FUT9: variants seen among roughly 807,000 people sequenced by gnomAD.
FUT9 encodes the protein 4-galactosyl-N-acetylglucosaminide 3-alpha-L-fucosyltransferase 9.
In FUT9, 15 loss-of-function variants were observed where a neutral mutation model predicts 29.7. That is an observed-to-expected ratio of 0.51 (90% CI 0.34 to 0.78). The LOEUF (loss-of-function observed/expected upper bound fraction) is 0.78. Among genes scored for constraint, FUT9 ranks in the 30% least tolerant of loss-of-function variants. The probability of loss-of-function intolerance (pLI) is 0.01; values close to 1 mark genes in which losing one functional copy is unlikely to be tolerated. For missense variants in FUT9, 319 were observed against 425.4 expected, an observed-to-expected ratio of 0.75 and a Z score of 2.20; for synonymous variants, 169 against 153.7, an observed-to-expected ratio of 1.10 and a Z score of -0.74.
intron 1 of FUT9, chr6:96,036,506 A>G (rs1770367363): frequency 6.6e-6 from 1 of 151,856 alleles, no homozygotes; most frequent in Admixed American, 6.6e-5. Context: ...ACTTGGTTAA[A>G]CTAACTTTTT....
intron 1 of FUT9, among the ~76,000 whole-genome samples, chr6:96,031,995 A>G (rs1770270351): frequency 2.0e-5 from 3 of 151,564 alleles, no homozygotes; most frequent in African/African-American, 7.3e-5. Flanking sequence ...TCCTTTAAAT[A>G]TTCTAAACTT....
intron 1 of FUT9, among the ~76,000 whole-genome samples, chr6:96,088,276 A>C (rs1367125435): frequency 6.6e-6 from 1 of 151,972 alleles, no homozygotes; most frequent in Non-Finnish European, 1.5e-5. Flanking sequence ...TAAAAAAATA[A>C]AATGTTCTTA....
chr6:96,209,215 T>A lies in FUT9; in HGVS notation c.*4980T>A, dbSNP rs946790148. 1.2e-5 allele frequency: 2 copies of A among 166,910 alleles called. No homozygotes were observed. Among genetic ancestry groups the A allele is most frequent in the African/African-American group, 2.4e-5 (1 of 41,444 alleles). The allele number at this position is 166,910 out of a possible 1,614,324, so 10.3% of individuals were successfully genotyped here. A position where few individuals can be genotyped will look rare whatever the true frequency, so the allele number is the denominator to read the frequency against. The stretch of plus-strand genomic sequence containing the variant: ...ATCGAAATTGATATATGCATGAAAT[T>A]CCTAATGGAATTTCAATGTCCATCT... On this transcript the variant is annotated 3_prime_UTR_variant, in exon 3 of 3. Coordinates refer to ENST00000302103, the MANE Select transcript of FUT9 (RefSeq NM_006581.4).
At chr6:96,101,313 T>A (rs1354990071) in intron 1 of FUT9, among the ~76,000 whole-genome samples, 2 of 151,848 alleles carry the variant, frequency 1.3e-5, no homozygotes. Flanking sequence ...CCAAGGTGGG[T>A]GGATCACCTG....
At chr6:96,104,828 C>A (rs886082905) in intron 1 of FUT9, among the ~76,000 whole-genome samples, 4 of 152,156 alleles carry the variant, frequency 2.6e-5, no homozygotes, top group African/African-American at 9.7e-5. Context: ...CCGCGCCTGG[C>A]CACACAAGTG....
Position 96,204,173 on chromosome 6 carries a change from C to A in FUT9, c.1018C>A (p.His340Asn). The A allele has an allele frequency of 6.7e-7, 1 of 1,490,666 alleles. No individual in the cohort carries two copies. Among genetic ancestry groups the A allele is most frequent in the South Asian group, 1.5e-5 (1 of 67,410 alleles). The allele number at this position is 1,490,666 out of a possible 1,614,324, so 92.3% of individuals were successfully genotyped here. Residue 340 changes from histidine to asparagine, a missense_variant, in exon 3 of 3, where the codon CAT becomes AAT. His to Asn is a moderately conservative substitution (Grantham distance 68, BLOSUM62 1). Coordinates refer to ENST00000302103, the MANE Select transcript of FUT9 (RefSeq NM_006581.4). ...WESHACLACD[H>N]VKRHQEYKSV... The stretch of plus-strand genomic sequence containing the variant: ...ATCACATGCATGTTTGGCTTGCGAT[C>A]ATGTGAAAAGGCATCAAGAATATAA...
intron 2 of FUT9, among the ~76,000 whole-genome samples, chr6:96,200,756 A>T (rs1773713464): frequency 6.6e-6 from 1 of 152,082 alleles, no homozygotes; most frequent in South Asian, 2.1e-4. Context: ...ATTAAAAGTT[A>T]ATGTTTTTCC....
At chr6:96,085,781 T>C (rs962517601) in intron 1 of FUT9, among the ~76,000 whole-genome samples, 1 of 152,258 alleles carries the variant, frequency 6.6e-6, no homozygotes, top group Admixed American at 6.5e-5. Flanking sequence ...ATTAATTCTA[T>C]CTCCACAATG....
At chr6:96,115,831 A>C (rs1337826453) in intron 2 of FUT9, among the ~76,000 whole-genome samples, 1 of 152,166 alleles carries the variant, frequency 6.6e-6, no homozygotes, top group Non-Finnish European at 1.5e-5. Context: ...AAAATATACC[A>C]AATGTGTACT....
At chr6:96,102,137 T>A (rs1172939550) in intron 1 of FUT9, among the ~76,000 whole-genome samples, 1 of 152,088 alleles carries the variant, frequency 6.6e-6, no homozygotes, top group Non-Finnish European at 1.5e-5. Flanking sequence ...TATCACATCT[T>A]TATATGGAAG....
chr6:96,189,689 T>G (rs1773470295), intron 2 of FUT9, among the ~76,000 whole-genome samples: 1 of 152,202 alleles, frequency 6.6e-6, no homozygotes, highest in Non-Finnish European at 1.5e-5. Context: ...TTGATCTTTG[T>G]TGGTTTAAAG....
chr6:96,053,326 A>G (rs1420742563), intron 1 of FUT9, among the ~76,000 whole-genome samples: 1 of 152,222 alleles, frequency 6.6e-6, no homozygotes, highest in African/African-American at 2.4e-5. Context: ...AACTATGACT[A>G]CATTAAATGG....
chr6:96,108,269 C>T (rs1771730740), intron 1 of FUT9, among the ~76,000 whole-genome samples: 1 of 152,070 alleles, frequency 6.6e-6, no homozygotes, highest in Non-Finnish European at 1.5e-5. Flanking sequence ...GCCAAATCAT[C>T]CCATGTTGTA....
At chr6:96,096,684 A>ATGTG (rs1243489757) in intron 1 of FUT9, among the ~76,000 whole-genome samples, 2,384 of 140,856 alleles carry the variant, frequency 0.017, 43 homozygotes, top group South Asian at 0.1. Context: ...TGTCTAAGGC[A>ATGTG]TGTGTGTGTG....
Position 96,105,087 on chromosome 6 carries a change from A to G in FUT9, c.-97-8952A>G, listed in dbSNP as rs565403132. 4.6e-5 allele frequency among the ~76,000 whole-genome samples: 7 copies of G among 152,326 alleles called. No homozygotes were observed. In the South Asian group the frequency reaches 1.4e-3, roughly 32 times the overall value. On this transcript the variant is annotated intron_variant, in intron 1 of 2. Transcript: ENST00000302103. ...AGGAATAAGTTCAGAAGAATGTGGTACTTTTATTTAGGCTATTAAAATCCT... is the reference window on the plus strand; with the variant it reads ...AGGAATAAGTTCAGAAGAATGTGGTGCTTTTATTTAGGCTATTAAAATCCT...
chr6:96,175,423 A>C (rs2127984345), intron 2 of FUT9, among the ~76,000 whole-genome samples: 1 of 152,314 alleles, frequency 6.6e-6, no homozygotes, highest in East Asian at 1.9e-4. Flanking sequence ...TAAATGTGTA[A>C]GCTATATGGT....
intron 1 of FUT9, among the ~76,000 whole-genome samples, chr6:96,078,408 CTTTTTTTTTTTTTTTTTTTTT>C (rs71012536): frequency 1.8e-4 from 8 of 44,174 alleles, no homozygotes; most frequent in Non-Finnish European, 3.0e-4. Flanking sequence ...TATTAGTCTT[CTTTTTTTTTTTTTTTTTTTTT>C]TTTTTTTTTG....
intron 2 of FUT9, among the ~76,000 whole-genome samples, chr6:96,124,372 G>C (rs4639346): frequency 6.6e-6 from 1 of 151,646 alleles, no homozygotes; most frequent in Non-Finnish European, 1.5e-5. Flanking sequence ...GGATGGTCTC[G>C]ATCCTCTGAC....
rs1356661062 is a variant in FUT9 at position 96,207,022 on chromosome 6, T to A, written c.*2787T>A. On this transcript the variant is annotated 3_prime_UTR_variant, in exon 3 of 3. Coordinates refer to ENST00000302103, the MANE Select transcript of FUT9 (RefSeq NM_006581.4). ...ACCCCATTACTAAGTCCCAGAAGAC[T>A]GTTTCCTAAATTTGAAGTGGAAGAA... The A allele has an allele frequency of 4.2e-5, 7 of 167,012 alleles. No individual in the cohort carries two copies. In the Admixed American group the frequency reaches 4.6e-4, roughly 11 times the overall value. 10.3% of individuals were successfully genotyped at this position (167,012 alleles called of 1,614,324 possible).
Sources: gnomAD v4.1 joint callset for allele counts (sites outside exome capture counted in the v4.1 genomes callset) on GRCh38, gnomAD v4.1.1 for gene constraint, MANE v1.5 for transcripts, NCBI Gene and HGNC (gene_info 2026-07-23, HGNC 2026-07-21) for gene names.